The following MDC1 variants were observed in gnomAD, a reference collection of about 807,000 sequenced individuals.
MDC1 encodes mediator of DNA damage checkpoint protein 1.
A neutral mutation model predicts 142.5 loss-of-function variants in MDC1; 81 were observed. The ratio of observed to expected loss-of-function variants is 0.57; its 90% CI spans 0.47 to 0.68. The LOEUF (loss-of-function observed/expected upper bound fraction) is 0.68. MDC1 is among the 30% of genes least tolerant of loss of function. MDC1 has a pLI of 0.00. For missense variants in MDC1, 2,119 were observed against 2,547.9 expected (o/e 0.83, Z 3.62); for synonymous variants, 797 against 968.4 (o/e 0.82, Z 3.29).
chr6:30,708,855 C>CAAAAAAAAAAAAAAAA (rs59939040), intron 7 of MDC1, among the ~76,000 whole-genome samples: 2 of 55,238 alleles, frequency 3.6e-5, no homozygotes, highest in Middle Eastern at 9.4e-3. Flanking sequence ...GACTCTGTCT[C>CAAAAAAAAAAAAAAAA]AAAAAAAAAA....
At position 30,708,159 on chromosome 6, in the gene MDC1, C is replaced by A. The variant is rs1381166135; in HGVS notation, c.2420G>T (p.Arg807Met). Residue 807 changes from arginine to methionine, a missense_variant, in exon 8 of 15, where the codon AGG becomes ATG. By Grantham distance (91) the Arg-to-Met change is moderately conservative. Transcript: ENST00000376406. ...ACCCATGACTTTATCCACAGTCTGCCTCCCTCTGCCTTGAATCCCCATTGG... is the reference window on the plus strand; with the variant it reads ...ACCCATGACTTTATCCACAGTCTGCATCCCTCTGCCTTGAATCCCCATTGG... ...TEPMGIQGRGRQTVDKVMGIP... is the reference protein window; with the variant it reads ...TEPMGIQGRGMQTVDKVMGIP... 3 of 1,613,036 alleles carry A rather than the reference C, an allele frequency of 1.9e-6. No individual in the cohort carries two copies. Among genetic ancestry groups the A allele is most frequent in the African/African-American group, 1.3e-5 (1 of 74,924 alleles).
chr6:30,714,445 G>A (rs559552498), intron 2 of MDC1, among the ~76,000 whole-genome samples: 2 of 151,846 alleles, frequency 1.3e-5, no homozygotes, highest in East Asian at 3.9e-4. Context: ...GTGGCATTAA[G>A]TGCATTCACA....
At chr6:30,701,705 C>T (rs943185278) in intron 14 of MDC1, among the ~76,000 whole-genome samples, 1 of 152,118 alleles carries the variant, frequency 6.6e-6, no homozygotes, top group African/African-American at 2.4e-5. Context: ...TGTATAGAGA[C>T]ATTTTTCAGA....
rs765946590 is a variant in MDC1, at chr6:30,714,174, A to G, written c.146T>C (p.Leu49Pro). 11 of 1,607,372 alleles carry G rather than the reference A, an allele frequency of 6.8e-6. No individual in the cohort carries two copies. Among genetic ancestry groups the G allele is most frequent in the Non-Finnish European group, 9.3e-6 (11 of 1,179,310 alleles). Reference protein sequence around the residue: ...GAHGPEKDFPLHLGKNVVGRM... With the variant: ...GAHGPEKDFPPHLGKNVVGRM... ...GCCTACCACATTCTTCCCGAGGTGTAGTGGGAAATCTAAGAATTAGAGAGG... is the reference window on the plus strand; with the variant it reads ...GCCTACCACATTCTTCCCGAGGTGTGGTGGGAAATCTAAGAATTAGAGAGG... The change falls in exon 3 of 15, where the codon CTA becomes CCA. Residue 49 changes from leucine to proline, a missense_variant. Physicochemically the swap from Leu to Pro is moderately conservative, Grantham distance 98. Transcript: ENST00000376406.
chr6:30,713,527 T>A lies in MDC1; in HGVS notation c.587+121A>T. The A allele has an allele frequency of 8.0e-7, 1 of 1,253,314 alleles. No homozygotes were observed. The highest frequency in any genetic ancestry group is 1.1e-6 in the Non-Finnish European group (1 of 912,944). 77.6% of individuals were successfully genotyped at this position (1,253,314 alleles called of 1,614,324 possible). On this transcript the variant is annotated intron_variant, in intron 4 of 14. Transcript: ENST00000376406. The surrounding 1 kb of genome is among the most constrained non-coding windows in gnomAD (Gnocchi z 4.9). ...CTCCATAAAAATTCAGCTGAGTGAA[T>A]GAATATGTATGGTTCCCCAGCCCCA...
At position 30,705,715 on chromosome 6, in the gene MDC1, C is replaced by T. The variant is rs774506299; in HGVS notation, c.3468G>A (p.Lys1156=). The T allele has an allele frequency of 3.7e-6, 6 of 1,613,280 alleles. No individual in the cohort carries two copies. Among genetic ancestry groups the T allele is most frequent in the South Asian group, 3.3e-5 (3 of 91,014 alleles). ...CTGTGGGGACAACTGGTTCAGGGGT[C>T]TTGACAGAGGACCTATTTGTCCTGC... The part of the protein sequence containing the change: ...TRSRTNRSSV[K]TPEPVVPTAP... The change falls in exon 10 of 15, where the codon AAG becomes AAA. Residue 1156 remains lysine (K), a synonymous_variant. Coordinates refer to ENST00000376406, the MANE Select transcript of MDC1 (RefSeq NM_014641.3).
Position 30,714,102 on chromosome 6 carries a change from T to C in MDC1, c.218A>G (p.Lys73Arg). 1.2e-6 allele frequency: 2 copies of C among 1,612,650 alleles called. No individual in the cohort carries two copies. The highest frequency in any genetic ancestry group is 1.7e-6 in the Non-Finnish European group (2 of 1,180,000). Reference sequence around the variant, plus strand: ...TAAGATTTCAATCTCTGCATGTTGTTTGGAGATAGATGGAAAGGGCAGGGC... The same window carrying C: ...TAAGATTTCAATCTCTGCATGTTGTCTGGAGATAGATGGAAAGGGCAGGGC... ...SVALPFPSIS[K>R]QHAEIEILAW... is the part of the protein sequence containing the mutation. The change falls in exon 3 of 15, where the codon AAA becomes AGA. Residue 73 changes from lysine (K) to arginine (R), a missense_variant. Transcript: ENST00000376406.
Position 30,709,186 on chromosome 6 carries a change from A to T in MDC1, c.2222-829T>A, listed in dbSNP as rs1005366918. Among the ~76,000 whole-genome samples, 12 of 152,178 alleles carry T rather than the reference A, an allele frequency of 7.9e-5. No individual in the cohort carries two copies. Among genetic ancestry groups the T allele is most frequent in the Non-Finnish European group, 1.0e-4 (7 of 68,028 alleles). On this transcript the variant is annotated intron_variant, in intron 7 of 14. Coordinates refer to ENST00000376406, the MANE Select transcript of MDC1 (RefSeq NM_014641.3). The surrounding 1 kb of genome is among the most constrained non-coding windows in gnomAD (Gnocchi z 4.2). ...AGTAGCTGGGACTACGGCATGTGCC[A>T]AAGTGCCCGGCTAATTTTTTGTATT...
At position 30,712,021 on chromosome 6, in the gene MDC1, A is replaced by G. The variant is rs1393782200; in HGVS notation, c.1921T>C (p.Ser641Pro). The change falls in exon 5 of 15, where the codon TCA becomes CCA. Residue 641 changes from serine to proline, a missense_variant. Coordinates refer to ENST00000376406, the MANE Select transcript of MDC1 (RefSeq NM_014641.3). The surrounding 1 kb of genome is among the most constrained non-coding windows in gnomAD (Gnocchi z 4.7). ...ACCAGATCTGTGAGGTTCTCTCTTG[A>G]GATAGGGAGGTCCTGCTCCACTTGT... ...VAQVEQDLPI[S>P]RENLTDLVVD... is the part of the protein sequence containing the mutation. The G allele has an allele frequency of 1.3e-6, 2 of 1,599,188 alleles. No individual in the cohort carries two copies. The highest frequency in any genetic ancestry group is 1.7e-6 in the Non-Finnish European group (2 of 1,172,970).
rs763874993 is a variant in MDC1, at chr6:30,707,744, A to G, written c.2835T>C (p.Asp945=). The G allele has an allele frequency of 2.5e-6, 4 of 1,612,740 alleles. No individual in the cohort carries two copies. In the South Asian group the frequency reaches 3.3e-5, roughly 13 times the overall value. ...CTCCCTCTGGCTCCCCTCTCTGTGT[A>G]TCTCTCTCCAGGATCACTTTGGGCA... The part of the protein sequence containing the change: ...EKVPKVILER[D]TQRGEPEGGS... Residue 945 remains aspartate, a synonymous_variant, in exon 8 of 15, where the codon GAT becomes GAC. Coordinates refer to ENST00000376406, the MANE Select transcript of MDC1 (RefSeq NM_014641.3).
rs766406382 is a variant in MDC1 at position 30,700,556 on chromosome 6, A to C, written c.6179T>G (p.Leu2060Arg). 1 of 1,612,888 alleles carries C rather than the reference A, an allele frequency of 6.2e-7. No individual in the cohort carries two copies. The highest frequency in any genetic ancestry group is 1.1e-5 in the South Asian group (1 of 91,070). The change falls in exon 15 of 15, where the codon CTC becomes CGC. Residue 2060 changes from leucine to arginine, a missense_variant. By Grantham distance (102) the Leu-to-Arg change is moderately radical (BLOSUM62 -2). Coordinates refer to ENST00000376406, the MANE Select transcript of MDC1 (RefSeq NM_014641.3). ...TCCAGTCAGCAGGAACTCAGGCGAG[A>C]GGAGGGGCAGCCCAACCCGTAGTGG... ...SIPLRVGLPL[L>R]SPEFLLTGVL... is the part of the protein sequence containing the mutation.
rs144473623 is a variant in MDC1 at position 30,712,735 on chromosome 6, C to G, written c.1207G>C (p.Asp403His). Reference sequence around the variant, plus strand: ...GAGACTTCTTCCTCGTCATCTGTATCGCTGTTGATAACCATGGAAGCTTGG... The same window carrying G: ...GAGACTTCTTCCTCGTCATCTGTATGGCTGTTGATAACCATGGAAGCTTGG... ...KSQASMVINSDTDDEEEVSAA... is the reference protein window; with the variant it reads ...KSQASMVINSHTDDEEEVSAA... The change falls in exon 5 of 15, where the codon GAT becomes CAT. Residue 403 changes from aspartate (D) to histidine (H), a missense_variant. Physicochemically the swap from Asp to His is moderately conservative, Grantham distance 81. Coordinates refer to ENST00000376406, the MANE Select transcript of MDC1 (RefSeq NM_014641.3). This position sits in a 1 kb window ranked among gnomAD's most constrained non-coding sequence, Gnocchi z 4.7. 480 of 1,613,060 alleles carry G rather than the reference C, an allele frequency of 3.0e-4. No homozygotes were observed. The highest frequency in any genetic ancestry group is 3.9e-4 in the Non-Finnish European group (457 of 1,180,040).
chr6:30,714,770 CCT>C (rs1775422845), intron 2 of MDC1, among the ~76,000 whole-genome samples: 1 of 152,104 alleles, frequency 6.6e-6, no homozygotes, highest in Non-Finnish European at 1.5e-5. Context: ...TCTGCCTTGG[CCT>C]CTCAAAGCAC....
At chr6:30,702,909 A>G (rs1394689467) in intron 12 of MDC1, 32 bp from the exon 13 acceptor site, 1 of 1,612,010 alleles carries the variant, frequency 6.2e-7, no homozygotes, top group Admixed American at 1.7e-5. Context: ...ATCAAAGCTC[A>G]GCCCAGCCCC....
Position 30,712,164 on chromosome 6 carries a change from G to A in MDC1, c.1778C>T (p.Ala593Val), listed in dbSNP as rs759438586. 6.2e-7 allele frequency: 1 copy of A among 1,612,650 alleles called. No individual in the cohort carries two copies. The highest frequency in any genetic ancestry group is 8.5e-7 in the Non-Finnish European group (1 of 1,179,952). ...TGGAAGCTGGCTCTTTCTTACATCT[G>A]CAACTACTGAGGCTGTTAGGGAGGT... ...EGTSLTASVVADVRKSQLPAE... is the reference protein window; with the variant it reads ...EGTSLTASVVVDVRKSQLPAE... Residue 593 changes from alanine to valine, a missense_variant, in exon 5 of 15, where the codon GCA becomes GTA. Physicochemically the swap from Ala to Val is moderately conservative, Grantham distance 64 (BLOSUM62 0). Transcript: ENST00000376406. The surrounding 1 kb of genome is among the most constrained non-coding windows in gnomAD (Gnocchi z 4.7).
Position 30,705,617 on chromosome 6 carries a change from C to T in MDC1, c.3566G>A (p.Gly1189Glu). 3.7e-6 allele frequency: 6 copies of T among 1,603,834 alleles called. No individual in the cohort carries two copies. The highest frequency in any genetic ancestry group is 5.1e-6 in the Non-Finnish European group (6 of 1,175,614). Residue 1189 changes from glycine (G) to glutamate (E), a missense_variant, in exon 10 of 15, where the codon GGA becomes GAA. Coordinates refer to ENST00000376406, the MANE Select transcript of MDC1 (RefSeq NM_014641.3). ...TSEPTSQVTR[G>E]RKSRSSVKTP... ...CTTGACAGAGGATCTACTTTTTCTT[C>T]CCCTAGTAACCTGAGATGTGGGCTC... is the stretch of plus-strand genomic sequence containing the variant.
In MDC1 at chr6:30,715,076, G is replaced by C; in HGVS notation, c.100C>G (p.Leu34Val). ...CCATGGGCACCACTAAAGATATGTA[G>C]CCGCCCTACTGGCTCCACGTTACAC... The part of the protein sequence containing the change: ...LRCNVEPVGR[L>V]HIFSGAHGPE... The change falls in exon 2 of 15, where the codon CTA (leucine) becomes GTA (valine). Residue 34 changes from leucine to valine, a missense_variant. Physicochemically the swap from Leu to Val is conservative, Grantham distance 32. Coordinates refer to ENST00000376406, the MANE Select transcript of MDC1 (RefSeq NM_014641.3). This position sits in a 1 kb window ranked among gnomAD's most constrained non-coding sequence, Gnocchi z 4.1. 1 of 1,614,118 alleles carries C rather than the reference G, an allele frequency of 6.2e-7. No individual in the cohort carries two copies.
Position 30,712,191 on chromosome 6 carries a change from C to T in MDC1, c.1751G>A (p.Gly584Asp), listed in dbSNP as rs751093568. 1.9e-6 allele frequency: 3 copies of T among 1,612,748 alleles called. No individual in the cohort carries two copies. The highest frequency in any genetic ancestry group is 2.5e-6 in the Non-Finnish European group (3 of 1,179,974). Reference sequence around the variant, plus strand: ...AACTACTGAGGCTGTTAGGGAGGTGCCCTCCTCTGCATCTGTTTCACAGTC... The same window carrying T: ...AACTACTGAGGCTGTTAGGGAGGTGTCCTCCTCTGCATCTGTTTCACAGTC... ...HGDCETDAEE[G>D]TSLTASVVAD... Residue 584 changes from glycine (G) to aspartate (D), a missense_variant, in exon 5 of 15, where the codon GGC (glycine) becomes GAC (aspartate). Gly to Asp is a moderately conservative substitution (Grantham distance 94, BLOSUM62 -1). Transcript: ENST00000376406. This position sits in a 1 kb window ranked among gnomAD's most constrained non-coding sequence, Gnocchi z 4.7.
chr6:30,702,526 C>T, intron 14 of MDC1, 27 bp downstream of exon 14: 1 of 1,505,586 alleles, frequency 6.6e-7, no homozygotes, highest in Non-Finnish European at 8.9e-7. Context: ...TGCCACCTCA[C>T]CCAGACCCAG....
Sources: allele counts gnomAD v4.1 joint callset (sites outside exome capture counted in the v4.1 genomes callset), GRCh38; gene constraint gnomAD v4.1.1; non-coding constraint Gnocchi (gnomAD v3.1); transcripts MANE v1.5; gene names NCBI Gene and HGNC (gene_info 2026-07-23, HGNC 2026-07-21).